LRMDA: variants seen among roughly 807,000 people sequenced by gnomAD.
LRMDA encodes the protein leucine rich melanocyte differentiation associated, also known as leucine-rich melanocyte differentiation-associated protein.
Under a neutral mutation model 29.8 loss-of-function variants are expected in LRMDA, and 18 were observed. That is an observed-to-expected ratio of 0.60 (90% CI 0.42 to 0.90). The LOEUF (loss-of-function observed/expected upper bound fraction) is 0.90. Ranked by LOEUF, LRMDA falls within the 40% of genes least tolerant of loss-of-function variation. The probability of loss-of-function intolerance (pLI) is 0.00; values close to 1 mark genes in which losing one functional copy is unlikely to be tolerated. For synonymous variants in LRMDA, 125 were observed against 109.4 expected, an observed-to-expected ratio of 1.14 and a Z score of -0.89; for missense variants, 273 against 273.9, an observed-to-expected ratio of 1.00 and a Z score of 0.02.
intron 6 of LRMDA, among the ~76,000 whole-genome samples, chr10:76,426,634 T>G (rs1056840278): frequency 6.6e-6 from 1 of 152,256 alleles, no homozygotes; most frequent in African/African-American, 2.4e-5. Context: ...ATTTTGGCTT[T>G]TGTTGCCATT....
chr10:75,431,665 C>CCCGCTGCTG lies in LRMDA; in HGVS notation c.-55_-47dup, dbSNP rs1844196045. On this transcript the variant is annotated 5_prime_UTR_variant, in exon 1 of 7. Transcript: ENST00000611255. ...CCCGCCGCGCTCCCCTGCCGCGCTC[C>CCCGCTGCTG]CCGCTGCTGCCGCCGCGCCCCCGCG... 2 of 1,244,060 alleles carry CCCGCTGCTG rather than the reference C, an allele frequency of 1.6e-6. No individual in the cohort carries two copies. Among genetic ancestry groups the CCCGCTGCTG allele is most frequent in the African/African-American group, 3.2e-5 (2 of 63,360 alleles). 77.1% of individuals were successfully genotyped at this position (1,244,060 alleles called of 1,614,324 possible).
intron 5 of LRMDA, among the ~76,000 whole-genome samples, chr10:76,198,824 T>G (rs1851377086): frequency 6.6e-6 from 1 of 152,114 alleles, no homozygotes. Context: ...ACAGGTTTTA[T>G]TTTTTTCCCC....
intron 5 of LRMDA, among the ~76,000 whole-genome samples, chr10:76,258,544 C>A (rs193179669): frequency 1.3e-5 from 2 of 152,202 alleles, no homozygotes; most frequent in African/African-American, 2.4e-5. Flanking sequence ...GTTTTTTTAA[C>A]ATGAGAAATT....
At chr10:76,452,340 C>A (rs4745815) in intron 6 of LRMDA, among the ~76,000 whole-genome samples, 44,648 of 152,010 alleles carry the variant, frequency 0.29, 7,144 homozygotes, top group Non-Finnish European at 0.34. Context: ...GTCCAGAACA[C>A]TTAACTCTCT....
chr10:76,197,543 TA>T (rs994240608), intron 5 of LRMDA, among the ~76,000 whole-genome samples: 1 of 152,154 alleles, frequency 6.6e-6, no homozygotes, highest in Non-Finnish European at 1.5e-5. Flanking sequence ...CACTAATATT[TA>T]GTGGGTAGAA....
chr10:75,674,276 A>T (rs1365068424), intron 2 of LRMDA, among the ~76,000 whole-genome samples: 2 of 152,202 alleles, frequency 1.3e-5, no homozygotes, highest in Non-Finnish European at 2.9e-5. Context: ...AACAGGGAGC[A>T]GATTTTAGGA....
intron 5 of LRMDA, among the ~76,000 whole-genome samples, chr10:76,298,752 G>A (rs1407935432): frequency 6.6e-6 from 1 of 152,194 alleles, no homozygotes; most frequent in Non-Finnish European, 1.5e-5. Flanking sequence ...CTTCCATGAA[G>A]CATACCATTC....
At chr10:75,988,627 C>T (rs943285740) in intron 2 of LRMDA, among the ~76,000 whole-genome samples, 1 of 150,444 alleles carries the variant, frequency 6.6e-6, no homozygotes, top group Non-Finnish European at 1.5e-5. Flanking sequence ...AATAATAATA[C>T]ATTTGTTTGC....
intron 2 of LRMDA, among the ~76,000 whole-genome samples, chr10:75,509,604 G>C (rs1330700293): frequency 6.6e-6 from 1 of 152,122 alleles, no homozygotes; most frequent in African/African-American, 2.4e-5. Flanking sequence ...CAGAGAGGTG[G>C]GTTGTCTTGA....
chr10:75,899,311 C>T (rs1006556139), intron 2 of LRMDA, among the ~76,000 whole-genome samples: 1 of 152,140 alleles, frequency 6.6e-6, no homozygotes, highest in Non-Finnish European at 1.5e-5. Flanking sequence ...TAAGTCTAGC[C>T]ATGAAGAACC....
chr10:76,140,853 C>G (rs1850185150), intron 5 of LRMDA, among the ~76,000 whole-genome samples: 1 of 152,128 alleles, frequency 6.6e-6, no homozygotes, highest in Non-Finnish European at 1.5e-5. Flanking sequence ...CAGACTTTGT[C>G]ACAAGCTGTT....
At chr10:75,645,919 GTCTC>G (rs140456639) in intron 2 of LRMDA, among the ~76,000 whole-genome samples, 6,856 of 151,206 alleles carry the variant, frequency 0.045, 230 homozygotes, top group South Asian at 0.086. Flanking sequence ...CCTTTTCTTT[GTCTC>G]TCTATCTTTG....
At chr10:75,888,566 T>C (rs1254908619) in intron 2 of LRMDA, among the ~76,000 whole-genome samples, 5 of 152,206 alleles carry the variant, frequency 3.3e-5, no homozygotes. Flanking sequence ...TCTGTTTAGC[T>C]TCTGTAAGAA....
chr10:75,670,224 A>C (rs146989137), intron 2 of LRMDA, among the ~76,000 whole-genome samples: 1 of 152,368 alleles, frequency 6.6e-6, no homozygotes, highest in Non-Finnish European at 1.5e-5. Flanking sequence ...AATCTCCTTC[A>C]TTAGCAAAAA....
rs554276483 is a variant in LRMDA at position 76,187,850 on chromosome 10, G to A, written c.516+129067G>A. On this transcript the variant is annotated intron_variant, in intron 5 of 6. Coordinates refer to ENST00000611255, the MANE Select transcript of LRMDA (RefSeq NM_001305581.2). ...CCTCTTTCATTTTTAGCAATTCAGA[G>A]AAAGGCATTCAATTTTTTTTTATTT... is the stretch of plus-strand genomic sequence containing the variant. 9.9e-5 allele frequency among the ~76,000 whole-genome samples: 15 copies of A among 152,262 alleles called. No homozygotes were observed. The South Asian group carries it at 2.9e-3, about 29-fold the overall frequency.
chr10:76,104,529 G>A (rs868738855), intron 5 of LRMDA, among the ~76,000 whole-genome samples: 1 of 50,962 alleles, frequency 2.0e-5, no homozygotes. Context: ...GCAGCTCTAG[G>A]TCTCCCTGCA....
chr10:75,847,683 G>A (rs1844663431), intron 2 of LRMDA, among the ~76,000 whole-genome samples: 2 of 152,026 alleles, frequency 1.3e-5, no homozygotes, highest in Non-Finnish European at 2.9e-5. Context: ...ATGGGTGAAG[G>A]ACATGAATAG....
At chr10:75,715,265 A>G (rs1336835850) in intron 2 of LRMDA, among the ~76,000 whole-genome samples, 1 of 152,212 alleles carries the variant, frequency 6.6e-6, no homozygotes, top group Non-Finnish European at 1.5e-5. Context: ...GTAATAAACA[A>G]AAGAAAGTTT....
intron 6 of LRMDA, among the ~76,000 whole-genome samples, chr10:76,434,467 G>A (rs1842224887): frequency 6.6e-6 from 1 of 151,946 alleles, no homozygotes; most frequent in Admixed American, 6.6e-5. Flanking sequence ...CTTATGTAAG[G>A]AGCAATGGGA....
Sources: allele counts gnomAD v4.1 joint callset (sites outside exome capture counted in the v4.1 genomes callset), GRCh38; gene constraint gnomAD v4.1.1; transcripts MANE v1.5; gene names NCBI Gene and HGNC (gene_info 2026-07-23, HGNC 2026-07-21).